The following SMOC2 variants were observed in gnomAD, a reference collection of about 807,000 sequenced individuals.
The protein encoded by SMOC2 is SPARC related modular calcium binding 2.
Under a neutral mutation model 61.4 loss-of-function variants are expected in SMOC2, and 39 were observed. That is an observed-to-expected ratio of 0.64 (90% CI 0.49 to 0.83). SMOC2 has a LOEUF of 0.83. SMOC2 is among the 40% of genes least tolerant of loss of function. The probability of loss-of-function intolerance (pLI) is 0.00; values close to 1 mark genes in which losing one functional copy is unlikely to be tolerated. For synonymous variants in SMOC2, 247 were observed against 239.9 expected (o/e 1.03, Z -0.27); for missense variants, 556 against 592.9 (o/e 0.94, Z 0.65).
chr6:168,650,693 C>A lies in SMOC2; in HGVS notation c.920C>A (p.Ala307Asp), dbSNP rs143177295. 3.7e-6 allele frequency: 6 copies of A among 1,613,498 alleles called. No individual in the cohort carries two copies. In the African/African-American group the frequency reaches 8.0e-5, roughly 22 times the overall value. The change falls in exon 10 of 13, where the codon GCC (alanine) becomes GAC (aspartate). Residue 307 changes from alanine (A) to aspartate (D), a missense_variant. Coordinates refer to ENST00000356284, the MANE Select transcript of SMOC2 (RefSeq NM_001166412.2). ...ACGTGTTTTTCAGGTTGTCCGGGTG[C>A]CAAAAAGCATGAGTTTCTGACCAGC... ...KGRQLQGCPG[A>D]KKHEFLTSVL... is the part of the protein sequence containing the mutation.
chr6:168,607,447 A>G (rs1785728018), intron 8 of SMOC2, among the ~76,000 whole-genome samples: 1 of 152,200 alleles, frequency 6.6e-6, no homozygotes, highest in Admixed American at 6.5e-5. Flanking sequence ...CTGCCAATTC[A>G]GTAGTACCAC....
At chr6:168,485,414 A>G (rs925033482) in intron 1 of SMOC2, among the ~76,000 whole-genome samples, 3 of 152,248 alleles carry the variant, frequency 2.0e-5, no homozygotes, top group African/African-American at 7.2e-5. Flanking sequence ...AAAAGGTGAA[A>G]TCAACCTGAA....
At chr6:168,471,732 C>T (rs937990154) in intron 1 of SMOC2, among the ~76,000 whole-genome samples, 3 of 152,136 alleles carry the variant, frequency 2.0e-5, no homozygotes, top group African/African-American at 7.2e-5. Flanking sequence ...GTTTCTTTCT[C>T]TTTTTTATTT....
intron 7 of SMOC2, among the ~76,000 whole-genome samples, chr6:168,591,475 G>A (rs1468958606): frequency 6.6e-6 from 1 of 152,142 alleles, no homozygotes; most frequent in African/African-American, 2.4e-5. Context: ...ACTGACTCTG[G>A]CAAGAGCAGA....
chr6:168,637,963 G>GCGTGCC (rs1363223710), intron 9 of SMOC2, among the ~76,000 whole-genome samples: 1 of 151,710 alleles, frequency 6.6e-6, no homozygotes, highest in Non-Finnish European at 1.5e-5. Context: ...CGGGAGCCAG[G>GCGTGCC]CGTGCCCCTG....
chr6:168,656,750 C>T (rs962537531), intron 11 of SMOC2, among the ~76,000 whole-genome samples: 69 of 152,130 alleles, frequency 4.5e-4, no homozygotes, highest in African/African-American at 1.6e-3. Context: ...GTCATGGCGA[C>T]GCACTTCCTG....
intron 1 of SMOC2, among the ~76,000 whole-genome samples, chr6:168,497,193 G>A (rs116027820): frequency 1.7e-3 from 262 of 152,354 alleles, no homozygotes; most frequent in African/African-American, 5.8e-3. Flanking sequence ...CCCATGACTG[G>A]GTTCTCCTTC....
At chr6:168,575,373 C>G (rs1784775179) in intron 7 of SMOC2, among the ~76,000 whole-genome samples, 1 of 152,216 alleles carries the variant, frequency 6.6e-6, no homozygotes, top group South Asian at 2.1e-4. Flanking sequence ...ATCTCTTACT[C>G]TCCTAGCATA....
intron 7 of SMOC2, among the ~76,000 whole-genome samples, chr6:168,590,952 A>T (rs1337147935): frequency 6.6e-6 from 1 of 152,240 alleles, no homozygotes; most frequent in African/African-American, 2.4e-5. Context: ...ACAAATTAAA[A>T]AAAAGTTGTT....
At chr6:168,566,182 C>G (rs1562351935) in intron 7 of SMOC2, among the ~76,000 whole-genome samples, 1 of 152,112 alleles carries the variant, frequency 6.6e-6, no homozygotes, top group East Asian at 1.9e-4. Context: ...AACCTCTATC[C>G]TATTATTTAT....
chr6:168,455,032 G>T (rs1781552655), intron 1 of SMOC2, among the ~76,000 whole-genome samples: 1 of 152,158 alleles, frequency 6.6e-6, no homozygotes, highest in Non-Finnish European at 1.5e-5. Context: ...TGTGTATTGG[G>T]TTCAGGGAGC....
At chr6:168,643,194 C>T (rs1786936243) in intron 9 of SMOC2, among the ~76,000 whole-genome samples, 1 of 152,190 alleles carries the variant, frequency 6.6e-6, no homozygotes, top group African/African-American at 2.4e-5. Flanking sequence ...AAGCAGGGCT[C>T]CTGGGTCCTC....
intron 7 of SMOC2, 118 bp downstream of exon 7, chr6:168,549,321 AG>A: frequency 1.2e-6 from 1 of 865,594 alleles, no homozygotes; most frequent in Non-Finnish European, 1.9e-6. Flanking sequence ...CATGGGGGTG[AG>A]GGGTGCAGAC....
intron 1 of SMOC2, among the ~76,000 whole-genome samples, chr6:168,494,263 A>G (rs556888115): frequency 3.9e-5 from 6 of 152,232 alleles, no homozygotes; most frequent in Non-Finnish European, 7.3e-5. Flanking sequence ...TCTTTAGGAC[A>G]TGGCAAAGTT....
intron 9 of SMOC2, among the ~76,000 whole-genome samples, chr6:168,612,920 T>A (rs1044915323): frequency 2.6e-4 from 39 of 152,208 alleles, no homozygotes; most frequent in African/African-American, 8.9e-4. Context: ...GAGACTTTGA[T>A]CTAAAGTGAA....
intron 1 of SMOC2, among the ~76,000 whole-genome samples, chr6:168,479,107 C>G (rs535965255): frequency 6.8e-6 from 1 of 146,522 alleles, no homozygotes. Context: ...GAGTCAGGAA[C>G]GTTGAATGAT....
rs986373622 is a variant in SMOC2 at position 168,653,009 on chromosome 6, T to A, written c.1066T>A (p.Phe356Ile). The A allele has an allele frequency of 2.5e-6, 4 of 1,613,980 alleles. No homozygotes were observed. Among genetic ancestry groups the A allele is most frequent in the Admixed American group, 1.7e-5 (1 of 59,986 alleles). ...TLEERVVHWY[F>I]KLLDKNSSGD... ...AGAGGAGCGGGTGGTGCACTGGTAC[T>A]TCAAACTACTGGATAAAAACTCCAG... The change falls in exon 11 of 13, where the codon TTC becomes ATC. Residue 356 changes from phenylalanine to isoleucine, a missense_variant. Phe to Ile is a conservative substitution (Grantham distance 21, BLOSUM62 0). Transcript: ENST00000356284.
At chr6:168,582,093 C>T (rs1271596537) in intron 7 of SMOC2, among the ~76,000 whole-genome samples, 2 of 152,240 alleles carry the variant, frequency 1.3e-5, no homozygotes, top group Non-Finnish European at 2.9e-5. Flanking sequence ...GAGACTTTCT[C>T]TCAACACAGC....
intron 9 of SMOC2, among the ~76,000 whole-genome samples, chr6:168,644,588 C>G (rs1786975316): frequency 6.6e-6 from 1 of 151,990 alleles, no homozygotes; most frequent in African/African-American, 2.4e-5. Flanking sequence ...TTTCCAGGCA[C>G]CCAGCTATGC....
Sources: allele counts gnomAD v4.1 joint callset (sites outside exome capture counted in the v4.1 genomes callset), GRCh38; gene constraint gnomAD v4.1.1; transcripts MANE v1.5; gene names NCBI Gene and HGNC (gene_info 2026-07-23, HGNC 2026-07-21).